The following TBC1D32 variants were observed in gnomAD, a reference collection of about 807,000 sequenced individuals.
TBC1D32 encodes protein broad-minded.
TBC1D32 carries 151 observed loss-of-function variants against 170.3 expected under a neutral mutation model. The observed-to-expected ratio is 0.89, with a 90% confidence interval of 0.78 to 1.01. The LOEUF (loss-of-function observed/expected upper bound fraction) is 1.01, where lower values mean the gene tolerates loss of function less well. Ranked by LOEUF, TBC1D32 falls within the 50% of genes least tolerant of loss-of-function variation. The pLI, the probability that TBC1D32 is intolerant of heterozygous loss-of-function variation, is 0.00. For synonymous variants in TBC1D32, 498 were observed against 488.0 expected (o/e 1.02, Z -0.27); for missense variants, 1,464 against 1,457.1 (o/e 1.00, Z -0.08).
intron 30 of TBC1D32, among the ~76,000 whole-genome samples, chr6:121,097,946 C>T (rs989100911): frequency 2.0e-5 from 3 of 151,666 alleles, no homozygotes; most frequent in Non-Finnish European, 4.4e-5. Context: ...AACACAAGAA[C>T]AGAAAACTAA....
intron 11 of TBC1D32, among the ~76,000 whole-genome samples, chr6:121,293,896 G>C (rs1321856192): frequency 6.6e-6 from 1 of 152,080 alleles, no homozygotes; most frequent in Non-Finnish European, 1.5e-5. Context: ...GGGTGATACA[G>C]CGAGACTCTG....
chr6:121,216,020 G>C (rs563919099), intron 21 of TBC1D32, among the ~76,000 whole-genome samples: 1 of 152,332 alleles, frequency 6.6e-6, no homozygotes, highest in East Asian at 1.9e-4. Flanking sequence ...GGTTAATACT[G>C]AGTGTCAACT....
chr6:121,295,817 G>C (rs1240522055), intron 10 of TBC1D32, among the ~76,000 whole-genome samples: 1 of 152,166 alleles, frequency 6.6e-6, no homozygotes, highest in Non-Finnish European at 1.5e-5. Context: ...TCAGTTGTAT[G>C]CAGAAAAGAG....
intron 10 of TBC1D32, 42 bp from the exon 11 acceptor site, chr6:121,294,702 C>G: frequency 6.9e-7 from 1 of 1,440,298 alleles, no homozygotes; most frequent in Non-Finnish European, 9.7e-7. Flanking sequence ...CTTTGCAGCC[C>G]TCAAGTCCAA....
intron 22 of TBC1D32, 72 bp downstream of exon 22, chr6:121,205,003 A>C (rs1233168665): frequency 1.2e-6 from 1 of 816,670 alleles, no homozygotes; most frequent in Admixed American, 3.0e-5. Flanking sequence ...ACTTTTTTAA[A>C]GTATACAGGA....
chr6:121,280,446 T>C (rs1802823454), intron 14 of TBC1D32, among the ~76,000 whole-genome samples: 1 of 151,786 alleles, frequency 6.6e-6, no homozygotes, highest in South Asian at 2.1e-4. Flanking sequence ...GTCCACTATG[T>C]GCCAGAGGGC....
intron 15 of TBC1D32, among the ~76,000 whole-genome samples, chr6:121,278,552 G>A (rs1802539494): frequency 6.6e-6 from 1 of 152,044 alleles, no homozygotes; most frequent in Non-Finnish European, 1.5e-5. Context: ...CACTAAGAGG[G>A]AAATGTTTGA....
chr6:121,243,816 C>T (rs905096747), intron 17 of TBC1D32, among the ~76,000 whole-genome samples: 7 of 150,024 alleles, frequency 4.7e-5, no homozygotes, highest in East Asian at 1.9e-4. Context: ...AAAACACAGA[C>T]GCACTTCCAA....
intron 1 of TBC1D32, among the ~76,000 whole-genome samples, chr6:121,326,054 A>G (rs573070206): frequency 1.3e-5 from 2 of 152,356 alleles, no homozygotes; most frequent in East Asian, 3.9e-4. Flanking sequence ...AGAAATGCAA[A>G]TCAAAACCAC....
At chr6:121,280,657 C>T (rs554549055) in intron 14 of TBC1D32, among the ~76,000 whole-genome samples, 15 of 151,824 alleles carry the variant, frequency 9.9e-5, no homozygotes, top group African/African-American at 3.6e-4. Flanking sequence ...CATACAAACA[C>T]AAGGAGATAT....
chr6:121,185,885 G>A (rs1789146725), intron 22 of TBC1D32, among the ~76,000 whole-genome samples: 1 of 152,042 alleles, frequency 6.6e-6, no homozygotes, highest in African/African-American at 2.4e-5. Flanking sequence ...TTGGTGGAAT[G>A]GCATGTTGAA....
chr6:121,151,368 G>A (rs532012249), intron 24 of TBC1D32, among the ~76,000 whole-genome samples: 27 of 152,266 alleles, frequency 1.8e-4, no homozygotes, highest in African/African-American at 6.3e-4. Flanking sequence ...CTGAGAGACT[G>A]TTTATTATGA....
chr6:121,251,952 G>A (rs1290125187), intron 17 of TBC1D32, among the ~76,000 whole-genome samples: 1 of 152,110 alleles, frequency 6.6e-6, no homozygotes, highest in East Asian at 1.9e-4. Context: ...TATTTATGCG[G>A]CCAAGAAACA....
At chr6:121,205,280 C>A in intron 21 of TBC1D32, 117 bp from the exon 22 acceptor site, 1 of 498,136 alleles carries the variant, frequency 2.0e-6, no homozygotes, top group Non-Finnish European at 3.6e-6. Context: ...AGGAAATCAC[C>A]TGGGGAGCTG....
At chr6:121,107,819 G>A (rs935621501) in intron 29 of TBC1D32, among the ~76,000 whole-genome samples, 7 of 151,884 alleles carry the variant, frequency 4.6e-5, no homozygotes, top group Non-Finnish European at 1.0e-4. Flanking sequence ...GTCTTTTCTA[G>A]GCTACATTAG....
At chr6:121,125,124 A>ATTTTTTTTTTTT (rs149022583) in intron 26 of TBC1D32, among the ~76,000 whole-genome samples, 29 of 152,066 alleles carry the variant, frequency 1.9e-4, no homozygotes, top group Non-Finnish European at 3.5e-4. Context: ...AGAATTATGT[A>ATTTTTTTTTTTT]TTTATTTTAC....
intron 22 of TBC1D32, among the ~76,000 whole-genome samples, chr6:121,192,057 A>T (rs1234021709): frequency 0.14 from 2,850 of 21,070 alleles, 89 homozygotes; most frequent in South Asian, 0.46. Flanking sequence ...ATACTTAATA[A>T]ACTACCCTTT....
chr6:121,262,171 C>T (rs564477786), intron 15 of TBC1D32, among the ~76,000 whole-genome samples: 6 of 152,158 alleles, frequency 3.9e-5, no homozygotes, highest in Non-Finnish European at 5.9e-5. Context: ...CTAAAAGAAA[C>T]GGGAAGAATG....
intron 2 of TBC1D32, among the ~76,000 whole-genome samples, chr6:121,319,838 A>G (rs987951825): frequency 1.3e-5 from 2 of 152,196 alleles, no homozygotes; most frequent in Non-Finnish European, 1.5e-5. Context: ...CTAAAACTCA[A>G]TAGCAGCCAT....
Sources: gnomAD v4.1 joint callset for allele counts (sites outside exome capture counted in the v4.1 genomes callset) on GRCh38, gnomAD v4.1.1 for gene constraint, MANE v1.5 for transcripts, NCBI Gene and HGNC (gene_info 2026-07-23, HGNC 2026-07-21) for gene names.